The following NLRP5 variants were observed in gnomAD, a reference collection of about 807,000 sequenced individuals.
NLRP5 encodes NACHT, LRR and PYD domains-containing protein 5.
In NLRP5, 93 loss-of-function variants were observed where a neutral mutation model predicts 113.1. The ratio of observed to expected loss-of-function variants is 0.82; its 90% CI spans 0.70 to 0.98. The LOEUF (loss-of-function observed/expected upper bound fraction) is 0.98, where lower values mean the gene tolerates loss of function less well. NLRP5 is among the 50% of genes least tolerant of loss of function. The pLI, the probability that NLRP5 is intolerant of heterozygous loss-of-function variation, is 0.00. For synonymous variants in NLRP5, 751 were observed against 600.7 expected (o/e 1.25, Z -3.66); for missense variants, 1,808 against 1,514.3 (o/e 1.19, Z -3.22).
chr19:56,028,077 C>A lies in NLRP5; in HGVS notation c.1844C>A (p.Thr615Lys), dbSNP rs1241512071. The A allele has an allele frequency of 1.2e-6, 2 of 1,613,912 alleles. No individual in the cohort carries two copies. The highest frequency in any genetic ancestry group is 2.7e-5 in the African/African-American group (2 of 74,926). The change falls in exon 7 of 15, where the codon ACA (threonine) becomes AAA (lysine). Residue 615 changes from threonine to lysine, a missense_variant. Coordinates refer to ENST00000390649, the MANE Select transcript of NLRP5 (RefSeq NM_153447.4). ...CTCTGCCCTCTGTACGTTGAGAAGA[C>A]AAAGAGGTCCATGGAGCTTAAACAG...
chr19:56,008,737 T>TAATTAC (rs1982051337), intron 2 of NLRP5, 51 bp from the exon 3 acceptor site: 1 of 1,494,036 alleles, frequency 6.7e-7, no homozygotes, highest in East Asian at 2.4e-5. Context: ...TTGGCTTGGG[T>TAATTAC]AATTACAGTG....
chr19:56,040,879 G>A (rs1983496336), intron 10 of NLRP5, 43 bp from the exon 11 acceptor site: 1 of 1,547,590 alleles, frequency 6.5e-7, no homozygotes, highest in Non-Finnish European at 8.9e-7. Flanking sequence ...GGAACTTTAA[G>A]AAGGCATCTC....
At chr19:56,008,023 G>T (rs1982013831) in intron 2 of NLRP5, among the ~76,000 whole-genome samples, 1 of 131,482 alleles carries the variant, frequency 7.6e-6, no homozygotes, top group Non-Finnish European at 1.7e-5. Flanking sequence ...CCGCCTCCCG[G>T]GTTCGTGCCA....
In NLRP5 at chr19:56,030,102, G is replaced by T. The variant is rs1168943560; in HGVS notation, c.2276+1593G>T. On this transcript the variant is annotated intron_variant, in intron 7 of 14. Transcript: ENST00000390649. ...TTATCACATGGGGCTGGGCGCGGTG[G>T]CTCATGCCTGTAATCCTAGCACTTT... Among the ~76,000 whole-genome samples, 17 of 150,930 alleles carry T rather than the reference G, an allele frequency of 1.1e-4. No individual in the cohort carries two copies. In the Admixed American group the frequency reaches 1.1e-3, roughly 10 times the overall value.
At chr19:56,006,654 C>T (rs927597766) in intron 2 of NLRP5, among the ~76,000 whole-genome samples, 25 of 152,112 alleles carry the variant, frequency 1.6e-4, no homozygotes, top group African/African-American at 5.5e-4. Context: ...ATCACTTGAA[C>T]CCGGGAGGTA....
chr19:56,043,159 T>G (rs1367082452), intron 11 of NLRP5, among the ~76,000 whole-genome samples: 2 of 152,222 alleles, frequency 1.3e-5, no homozygotes, highest in African/African-American at 2.4e-5. Context: ...AGTTGTACTT[T>G]TAGTTCTTTA....
intron 8 of NLRP5, among the ~76,000 whole-genome samples, chr19:56,033,121 C>T (rs1983186165): frequency 1.3e-5 from 2 of 152,010 alleles, no homozygotes; most frequent in African/African-American, 2.4e-5. Flanking sequence ...CATGGTGGTA[C>T]GTGCCTGTAA....
intron 1 of NLRP5, among the ~76,000 whole-genome samples, chr19:56,001,000 C>CT (rs1347897133): frequency 1.3e-5 from 2 of 148,674 alleles, no homozygotes; most frequent in Non-Finnish European, 3.0e-5. Context: ...GAGTGAGACT[C>CT]TATCAAAAAG....
intron 10 of NLRP5, among the ~76,000 whole-genome samples, chr19:56,039,641 G>A (rs933694562): frequency 1.4e-4 from 21 of 152,326 alleles, no homozygotes; most frequent in African/African-American, 4.8e-4. Flanking sequence ...GGCCAGGTGT[G>A]GTGGCTCACG....
chr19:56,051,856 A>G (rs1196752197), intron 12 of NLRP5, among the ~76,000 whole-genome samples: 1 of 152,238 alleles, frequency 6.6e-6, no homozygotes, highest in Non-Finnish European at 1.5e-5. Flanking sequence ...TTAATGGACC[A>G]CAAGTGGGGT....
chr19:55,991,568 A>G, the NLRP5 span, among the ~76,000 whole-genome samples: 1 of 152,158 alleles, frequency 6.6e-6, no homozygotes, highest in African/African-American at 2.4e-5. Flanking sequence ...TTTTACCTCT[A>G]TAGTTGCTGT....
chr19:56,022,868 G>C (rs557250642), intron 6 of NLRP5, among the ~76,000 whole-genome samples: 1 of 152,162 alleles, frequency 6.6e-6, no homozygotes, highest in Non-Finnish European at 1.5e-5. Flanking sequence ...GGGATTACAG[G>C]CATGTGCCAC....
At chr19:55,994,107 T>G in the NLRP5 span, among the ~76,000 whole-genome samples, 3 of 152,152 alleles carry the variant, frequency 2.0e-5, no homozygotes, top group African/African-American at 7.2e-5. Flanking sequence ...GGAGTTTCTT[T>G]CTCTGCATCC....
At chr19:56,025,679 G>C (rs1047811563) in intron 6 of NLRP5, among the ~76,000 whole-genome samples, 2 of 152,058 alleles carry the variant, frequency 1.3e-5, no homozygotes, top group African/African-American at 2.4e-5. Flanking sequence ...CAAAGTGCTG[G>C]GATTACAGGG....
At chr19:56,009,148 G>A (rs1982075663) in intron 3 of NLRP5, among the ~76,000 whole-genome samples, 1 of 151,844 alleles carries the variant, frequency 6.6e-6, no homozygotes, top group Non-Finnish European at 1.5e-5. Context: ...AGACCAGCCT[G>A]GCCAACATGG....
At position 56,016,507 on chromosome 19, in the gene NLRP5, T is replaced by C. The variant is rs114029002; in HGVS notation, c.565+709T>C. ...GCTATTTTGAAATAGACTTTGTTAT[T>C]AACCAGTCACCACGTTGTGCAATAG... On this transcript the variant is annotated intron_variant, in intron 4 of 14. Transcript: ENST00000390649. 1.6e-3 allele frequency among the ~76,000 whole-genome samples: 242 copies of C among 152,294 alleles called. 1 individual carries two copies. The highest frequency in any genetic ancestry group is 5.6e-3 in the African/African-American group (231 of 41,566).
chr19:56,042,009 A>G (rs190316267), intron 11 of NLRP5, among the ~76,000 whole-genome samples: 2 of 152,262 alleles, frequency 1.3e-5, no homozygotes, highest in Non-Finnish European at 2.9e-5. Context: ...CAAACACGGC[A>G]CTAAATACCC....
intron 14 of NLRP5, among the ~76,000 whole-genome samples, chr19:56,058,846 A>G (rs982533315): frequency 6.6e-6 from 1 of 152,224 alleles, no homozygotes; most frequent in African/African-American, 2.4e-5. Flanking sequence ...TGAAAGGATA[A>G]GCAGAATGTG....
At chr19:56,010,738 GTC>G (rs1303961404) in intron 3 of NLRP5, among the ~76,000 whole-genome samples, 219 of 6,620 alleles carry the variant, frequency 0.033, 3 homozygotes, top group African/African-American at 0.092. Context: ...GCTTAACTCT[GTC>G]TCAAAAAAAA....
Sources: allele counts gnomAD v4.1 joint callset (sites outside exome capture counted in the v4.1 genomes callset), GRCh38; gene constraint gnomAD v4.1.1; transcripts MANE v1.5; gene names NCBI Gene and HGNC (gene_info 2026-07-23, HGNC 2026-07-21).